RIMS2: variants seen among roughly 807,000 people sequenced by gnomAD.
The protein encoded by RIMS2 is regulating synaptic membrane exocytosis 2, also known as regulating synaptic membrane exocytosis protein 2.
A neutral mutation model predicts 174.4 loss-of-function variants in RIMS2; 59 were observed. The observed-to-expected ratio is 0.34, with a 90% CI of 0.27 to 0.42. RIMS2 has a LOEUF of 0.42. Ranked by LOEUF, RIMS2 falls within the 10% of genes least tolerant of loss-of-function variation. The pLI is 1.00. For synonymous variants in RIMS2, 606 were observed against 572.5 expected, an observed-to-expected ratio of 1.06 and a Z score of -0.84; for missense variants, 1,620 against 1,666.3, an observed-to-expected ratio of 0.97 and a Z score of 0.48.
At chr8:103,916,392 T>C in intron 7 of RIMS2, 22 bp from the exon 11 acceptor site, 1 of 1,568,914 alleles carries the variant, frequency 6.4e-7, no homozygotes, top group East Asian at 2.3e-5. Context: ...TATAAGATTA[T>C]TATTACTGAC....
intron 3 of RIMS2, among the ~76,000 whole-genome samples, chr8:103,826,672 C>T (rs945896990): frequency 6.7e-6 from 1 of 149,342 alleles, no homozygotes; most frequent in Non-Finnish European, 1.5e-5. Flanking sequence ...AGGTCTTCTG[C>T]ATATATATAT....
chr8:103,957,215 A>G (rs1195336454), intron 14 of RIMS2, among the ~76,000 whole-genome samples: 1 of 152,224 alleles, frequency 6.6e-6, no homozygotes, highest in Non-Finnish European at 1.5e-5. Context: ...ATCTAGAACT[A>G]GAAATACCAC....
intron 1 of RIMS2, among the ~76,000 whole-genome samples, chr8:103,667,878 C>T (rs577102900): frequency 6.6e-6 from 1 of 152,246 alleles, no homozygotes; most frequent in East Asian, 1.9e-4. Context: ...TGTGAGATTA[C>T]AAGCTTAAGG....
chr8:103,525,322 T>C (rs1479305665), intron 1 of RIMS2, among the ~76,000 whole-genome samples: 1 of 152,178 alleles, frequency 6.6e-6, no homozygotes, highest in Non-Finnish European at 1.5e-5. Context: ...AAATAATTTA[T>C]TGTAAGCCCT....
chr8:103,940,882 A>G (rs996816434), intron 13 of RIMS2, among the ~76,000 whole-genome samples: 4 of 151,904 alleles, frequency 2.6e-5, no homozygotes, highest in Admixed American at 6.6e-5. Context: ...TCTCAAAAAA[A>G]AAAAAAAAAA....
At chr8:103,658,410 G>T (rs565599361) in intron 1 of RIMS2, among the ~76,000 whole-genome samples, 1 of 152,276 alleles carries the variant, frequency 6.6e-6, no homozygotes, top group East Asian at 1.9e-4. Flanking sequence ...TAATAAATAA[G>T]ATTACAAGTA....
intron 19 of RIMS2, among the ~76,000 whole-genome samples, chr8:104,077,903 G>A (rs188313382): frequency 6.6e-6 from 1 of 151,902 alleles, no homozygotes; most frequent in Non-Finnish European, 1.5e-5. Context: ...AGCACTTCGG[G>A]AGGCCAAGGC....
chr8:103,535,218 G>T (rs1839218109), intron 1 of RIMS2, among the ~76,000 whole-genome samples: 2 of 152,184 alleles, frequency 1.3e-5, no homozygotes, highest in African/African-American at 4.8e-5. Flanking sequence ...TGTAGCAGAG[G>T]TTATGCTAGC....
chr8:104,204,304 A>G (rs1024233807), intron 19 of RIMS2, among the ~76,000 whole-genome samples: 1 of 152,248 alleles, frequency 6.6e-6, no homozygotes, highest in African/African-American at 2.4e-5. Context: ...TGATATTCAC[A>G]TTATAATCAT....
intron 19 of RIMS2, among the ~76,000 whole-genome samples, chr8:104,187,056 C>CATAG (rs1379839289): frequency 1.3e-5 from 2 of 151,710 alleles, no homozygotes; most frequent in Non-Finnish European, 2.9e-5. Flanking sequence ...GAAACAAAGT[C>CATAG]ATAGTACTAG....
chr8:103,586,671 C>A (rs142484018), intron 1 of RIMS2, among the ~76,000 whole-genome samples: 184 of 151,934 alleles, frequency 1.2e-3, no homozygotes, highest in Non-Finnish European at 2.2e-3. Flanking sequence ...TATAATAATG[C>A]ATCTTAAAGA....
chr8:103,748,894 A>C (rs542789379), intron 2 of RIMS2, among the ~76,000 whole-genome samples: 1 of 151,956 alleles, frequency 6.6e-6, no homozygotes, highest in Non-Finnish European at 1.5e-5. Flanking sequence ...TCCGCCTCCC[A>C]GGTTCAAGCA....
chr8:103,933,632 GAGTT>G (rs1297832624), intron 12 of RIMS2, among the ~76,000 whole-genome samples: 1 of 152,154 alleles, frequency 6.6e-6, no homozygotes, highest in Non-Finnish European at 1.5e-5. Context: ...TTTCTTAGCT[GAGTT>G]CCTTGTTATT....
At chr8:104,011,361 T>TA (rs1438269331) in intron 17 of RIMS2, among the ~76,000 whole-genome samples, 17 of 152,144 alleles carry the variant, frequency 1.1e-4, no homozygotes, top group Non-Finnish European at 2.2e-4. Flanking sequence ...GGTATTTATT[T>TA]AATATATACT....
chr8:103,850,308 A>G (rs2098990573), intron 3 of RIMS2, among the ~76,000 whole-genome samples: 1 of 152,060 alleles, frequency 6.6e-6, no homozygotes. Context: ...TGAAGAAAAC[A>G]TTATTCTTAT....
intron 1 of RIMS2, among the ~76,000 whole-genome samples, chr8:103,631,587 C>T (rs956278886): frequency 2.0e-5 from 3 of 152,122 alleles, no homozygotes; most frequent in African/African-American, 7.2e-5. Context: ...TTTTTCTCTT[C>T]ACCTAGGATT....
intron 1 of RIMS2, among the ~76,000 whole-genome samples, chr8:103,533,275 CAA>C (rs1838096889): frequency 6.6e-6 from 1 of 152,188 alleles, no homozygotes; most frequent in South Asian, 2.1e-4. Flanking sequence ...AACAGTTTCT[CAA>C]AGAGTTGAGG....
At chr8:104,029,657 T>A (rs2096343788) in intron 19 of RIMS2, among the ~76,000 whole-genome samples, 1 of 152,168 alleles carries the variant, frequency 6.6e-6, no homozygotes, top group Admixed American at 6.6e-5. Flanking sequence ...TGTCTGCCAA[T>A]TTACAGATAG....
intron 2 of RIMS2, among the ~76,000 whole-genome samples, chr8:103,719,058 A>C (rs1286399446): frequency 1.3e-5 from 2 of 152,164 alleles, no homozygotes; most frequent in Non-Finnish European, 2.9e-5. Context: ...TGTGTGACAC[A>C]GTTCTAGCAA....
Sources: allele counts gnomAD v4.1 joint callset (sites outside exome capture counted in the v4.1 genomes callset), GRCh38; gene constraint gnomAD v4.1.1; transcripts MANE v1.5; gene names NCBI Gene and HGNC (gene_info 2026-07-23, HGNC 2026-07-21).